The following CADPS variants were observed in gnomAD, a reference collection of about 807,000 sequenced individuals.
The protein encoded by CADPS is calcium dependent secretion activator.
Under a neutral mutation model 167.3 loss-of-function variants are expected in CADPS, and 57 were observed. The observed-to-expected ratio is 0.34, with a 90% CI of 0.28 to 0.42. The LOEUF is 0.42. CADPS is among the 20% of genes least tolerant of loss of function. The probability of loss-of-function intolerance (pLI) is 1.00; values close to 1 mark genes in which losing one functional copy is unlikely to be tolerated. For missense variants in CADPS, 1,414 were observed against 1,738.1 expected, an observed-to-expected ratio of 0.81 and a Z score of 3.32; for synonymous variants, 676 against 635.3, an observed-to-expected ratio of 1.06 and a Z score of -0.96.
chr3:62,689,937 T>C (rs2078795480), intron 3 of CADPS, among the ~76,000 whole-genome samples: 1 of 151,934 alleles, frequency 6.6e-6, no homozygotes, highest in Non-Finnish European at 1.5e-5. Flanking sequence ...CCATGGCAAG[T>C]TCAGCAGAAT....
intron 1 of CADPS, among the ~76,000 whole-genome samples, chr3:62,873,589 C>T (rs1488020261): frequency 6.7e-6 from 1 of 149,388 alleles, no homozygotes; most frequent in Non-Finnish European, 1.5e-5. Flanking sequence ...CTTTCTCCAG[C>T]TAAAGAACAG....
chr3:62,541,579 A>T (rs1416726455), intron 11 of CADPS, among the ~76,000 whole-genome samples: 3 of 152,138 alleles, frequency 2.0e-5, no homozygotes, highest in Non-Finnish European at 4.4e-5. Context: ...ACCTTGCCCC[A>T]AGTTTGCTTG....
At chr3:62,529,378 C>T (rs184967401) in intron 13 of CADPS, among the ~76,000 whole-genome samples, 2 of 152,248 alleles carry the variant, frequency 1.3e-5, no homozygotes, top group Admixed American at 1.3e-4. Context: ...TCAACACTGG[C>T]CATTTGTTCT....
intron 6 of CADPS, among the ~76,000 whole-genome samples, chr3:62,596,952 G>C (rs1009718756): frequency 6.6e-6 from 1 of 152,136 alleles, no homozygotes; most frequent in Non-Finnish European, 1.5e-5. Context: ...TCATTTTAAA[G>C]CTGTTGCTGT....
At chr3:62,597,379 T>C (rs2084385368) in intron 6 of CADPS, among the ~76,000 whole-genome samples, 1 of 152,118 alleles carries the variant, frequency 6.6e-6, no homozygotes, top group Non-Finnish European at 1.5e-5. Flanking sequence ...AAATAAAAGA[T>C]ACCTCTTTGG....
intron 6 of CADPS, among the ~76,000 whole-genome samples, chr3:62,627,730 C>T (rs1437575954): frequency 3.5e-5 from 1 of 28,976 alleles, no homozygotes; most frequent in Non-Finnish European, 1.9e-4. Flanking sequence ...CTGTGAAGTT[C>T]TGGTAATTGA....
At chr3:62,439,163 A>G (rs973549154) in intron 27 of CADPS, 8 of 152,196 alleles carry the variant, frequency 5.3e-5, no homozygotes, top group South Asian at 4.1e-4. Flanking sequence ...ATAACTAAAA[A>G]GATTAGTTTT....
At chr3:62,766,502 A>G (rs2086905318) in intron 1 of CADPS, among the ~76,000 whole-genome samples, 2 of 152,144 alleles carry the variant, frequency 1.3e-5, no homozygotes, top group African/African-American at 2.4e-5. Flanking sequence ...AGCACTGCAC[A>G]TGCCCCTCTG....
chr3:62,798,831 G>A (rs917911024), intron 1 of CADPS, among the ~76,000 whole-genome samples: 1 of 152,074 alleles, frequency 6.6e-6, no homozygotes, highest in Non-Finnish European at 1.5e-5. Context: ...TTATGAACAA[G>A]GATCTCACAT....
intron 3 of CADPS, among the ~76,000 whole-genome samples, chr3:62,700,802 C>G (rs1052603779): frequency 1.3e-5 from 2 of 152,126 alleles, no homozygotes; most frequent in African/African-American, 4.8e-5. Context: ...GTAGTAGAAG[C>G]AGCATGGGAA....
chr3:62,728,553 T>C (rs35368204), intron 3 of CADPS, among the ~76,000 whole-genome samples: 11,383 of 151,938 alleles, frequency 0.075, 594 homozygotes, highest in Non-Finnish European at 0.11. Context: ...ACCTCAAATA[T>C]GGCATTGAAA....
chr3:62,609,967 T>G (rs1453269917), intron 6 of CADPS, among the ~76,000 whole-genome samples: 1 of 152,072 alleles, frequency 6.6e-6, no homozygotes, highest in Non-Finnish European at 1.5e-5. Context: ...TCCGTGCCTA[T>G]AGTCCCAACT....
intron 2 of CADPS, among the ~76,000 whole-genome samples, chr3:62,764,162 G>C (rs140521829): frequency 4.6e-5 from 7 of 152,042 alleles, no homozygotes; most frequent in African/African-American, 9.7e-5. Context: ...GCCTGACAAG[G>C]GTTCTGCCAT....
intron 6 of CADPS, among the ~76,000 whole-genome samples, chr3:62,597,030 T>A (rs80190753): frequency 0.014 from 2,094 of 152,300 alleles, 36 homozygotes; most frequent in African/African-American, 0.048. Context: ...AATGTGACCA[T>A]TAATTTACTT....
chr3:62,821,723 A>C (rs1042100489), intron 1 of CADPS, among the ~76,000 whole-genome samples: 1 of 152,176 alleles, frequency 6.6e-6, no homozygotes, highest in Admixed American at 6.5e-5. Flanking sequence ...CCAAATGATG[A>C]CACAGTCATA....
chr3:62,444,996 C>A (rs2056970913), intron 27 of CADPS, among the ~76,000 whole-genome samples: 1 of 152,088 alleles, frequency 6.6e-6, no homozygotes, highest in African/African-American at 2.4e-5. Flanking sequence ...AAATCATTTT[C>A]TTTTTCACTT....
intron 9 of CADPS, among the ~76,000 whole-genome samples, chr3:62,565,005 T>A (rs2079879333): frequency 6.6e-6 from 1 of 152,228 alleles, no homozygotes; most frequent in South Asian, 2.1e-4. Flanking sequence ...TGGCCTGTTT[T>A]CACTGTTCTC....
chr3:62,812,469 A>G (rs1312981934), intron 1 of CADPS, among the ~76,000 whole-genome samples: 1 of 152,172 alleles, frequency 6.6e-6, no homozygotes, highest in Middle Eastern at 3.2e-3. Flanking sequence ...CTGCTAGAAA[A>G]TGAGTTAATA....
intron 17 of CADPS, among the ~76,000 whole-genome samples, chr3:62,504,651 C>T (rs1561366730): frequency 6.6e-6 from 1 of 152,180 alleles, no homozygotes; most frequent in Non-Finnish European, 1.5e-5. Flanking sequence ...CATAGAAAAA[C>T]AAGCTCCCTA....
Sources: allele counts gnomAD v4.1 joint callset (sites outside exome capture counted in the v4.1 genomes callset), GRCh38; gene constraint gnomAD v4.1.1; transcripts MANE v1.5; gene names NCBI Gene and HGNC (gene_info 2026-07-23, HGNC 2026-07-21).